AGGF1: variants seen among roughly 807,000 people sequenced by gnomAD.
The protein encoded by AGGF1 is angiogenic factor with G-patch and FHA domains 1.
In AGGF1, 56 loss-of-function variants were observed where a neutral mutation model predicts 86.5. The ratio of observed to expected loss-of-function variants is 0.65; its 90% CI spans 0.52 to 0.81. The LOEUF is 0.81. Ranked by LOEUF, AGGF1 falls within the 30% of genes least tolerant of loss-of-function variation. AGGF1 has a pLI of 0.00. For missense variants in AGGF1, 816 were observed against 850.9 expected (o/e 0.96, Z 0.51); for synonymous variants, 313 against 297.1 (o/e 1.05, Z -0.55).
chr5:77,064,080 C>T lies in AGGF1; in HGVS notation c.*828C>T, dbSNP rs1258798201. On this transcript the variant is annotated 3_prime_UTR_variant, in exon 14 of 14. Coordinates refer to ENST00000312916, the MANE Select transcript of AGGF1 (RefSeq NM_018046.5). ...AAAACATCCTCAATTGCAATAAAAACATTATAACATGAAAAAGAGTGATTT... is the reference window on the plus strand; with the variant it reads ...AAAACATCCTCAATTGCAATAAAAATATTATAACATGAAAAAGAGTGATTT... 1 of 152,550 alleles carries T rather than the reference C, an allele frequency of 6.6e-6. No individual in the cohort carries two copies. Among genetic ancestry groups the T allele is most frequent in the Non-Finnish European group, 1.5e-5 (1 of 68,018 alleles). The allele number at this position is 152,550 out of a possible 1,614,324, so 9.4% of individuals were successfully genotyped here.
chr5:77,035,395 A>G (rs1033470595), intron 2 of AGGF1, 146 bp from the exon 3 acceptor site: 11 of 658,084 alleles, frequency 1.7e-5, no homozygotes, highest in Admixed American at 5.6e-5. Context: ...ATCTGTTTTA[A>G]TCTTTTAAAA....
At chr5:77,036,245 A>G (rs1293944709) in intron 3 of AGGF1, among the ~76,000 whole-genome samples, 1 of 152,196 alleles carries the variant, frequency 6.6e-6, no homozygotes, top group Non-Finnish European at 1.5e-5. Context: ...ATCATTGAAG[A>G]ACCTAGATCT....
rs534849137 is a variant in AGGF1, at chr5:77,030,551, G to A, written c.-216G>A. On this transcript the variant is annotated 5_prime_UTR_variant, in exon 1 of 14. Transcript: ENST00000312916. ...TTCCGGTTTGCAGGCCGCGCACATC[G>A]GGCAGGGGCCATCCTCGGTCCCCTT... 48 of 701,106 alleles carry A rather than the reference G, an allele frequency of 6.8e-5. No individual in the cohort carries two copies. In the East Asian group the frequency reaches 1.2e-3, roughly 18 times the overall value. The allele number at this position is 701,106 out of a possible 1,614,324, so 43.4% of individuals were successfully genotyped here. A position where few individuals can be genotyped will look rare whatever the true frequency, so the allele number is the denominator to read the frequency against.
intron 4 of AGGF1, 86 bp downstream of exon 4, chr5:77,036,806 C>G: frequency 7.0e-7 from 1 of 1,429,774 alleles, no homozygotes. Flanking sequence ...GGAGTGATCT[C>G]AGCTCACTGC....
At chr5:77,033,587 G>C (rs758504262) in intron 1 of AGGF1, among the ~76,000 whole-genome samples, 1 of 152,300 alleles carries the variant, frequency 6.6e-6, no homozygotes. Context: ...GATTTTTCAC[G>C]ATCAGTGTCT....
rs1400419148 is a variant in AGGF1 at position 77,055,661 on chromosome 5, T to C, written c.1716+65T>C. 3 of 1,118,202 alleles carry C rather than the reference T, an allele frequency of 2.7e-6. No homozygotes were observed. The African/African-American group carries it at 4.7e-5, about 17-fold the overall frequency. The allele number at this position is 1,118,202 out of a possible 1,614,324, so 69.3% of individuals were successfully genotyped here. A position where few individuals can be genotyped will look rare whatever the true frequency, so the allele number is the denominator to read the frequency against. On this transcript the variant is annotated intron_variant, in intron 11 of 13. Coordinates refer to ENST00000312916, the MANE Select transcript of AGGF1 (RefSeq NM_018046.5). ...ATCTGGTTTTGAGTAAAAATGTCTT[T>C]AAATATGCTCAGTACATTTTATATA...
chr5:77,037,456 C>A (rs1746987398), intron 4 of AGGF1, among the ~76,000 whole-genome samples: 1 of 152,130 alleles, frequency 6.6e-6, no homozygotes, highest in Non-Finnish European at 1.5e-5. Flanking sequence ...TGTTTTATAT[C>A]CTGTGCCTTT....
At chr5:77,043,401 C>A (rs1403610697) in intron 5 of AGGF1, among the ~76,000 whole-genome samples, 12 of 58,936 alleles carry the variant, frequency 2.0e-4, no homozygotes, top group African/African-American at 7.3e-4. Context: ...GCTGGCCGGG[C>A]AGAGGGGCTC....
At position 77,030,904 on chromosome 5, in the gene AGGF1, C is replaced by G. The variant is rs771920394; in HGVS notation, c.138C>G (p.Ile46Met). The change falls in exon 1 of 14, where the codon ATC (isoleucine) becomes ATG (methionine). Residue 46 changes from isoleucine (I) to methionine (M), a missense_variant. By Grantham distance (10) the Ile-to-Met change is conservative. This residue lies in a region of AGGF1 where 240 missense variants were observed against 234.4 expected (regional missense o/e 1.02). Coordinates refer to ENST00000312916, the MANE Select transcript of AGGF1 (RefSeq NM_018046.5). Reference protein sequence around the residue: ...LRSCKRQVREIEKLLHHTERL... With the variant: ...LRSCKRQVREMEKLLHHTERL... ...GCTGCAAGCGGCAGGTGCGGGAGAT[C>G]GAGAAGCTGCTGCATCACACAGAAC... 3.1e-6 allele frequency: 5 copies of G among 1,613,208 alleles called. No homozygotes were observed. The highest frequency in any genetic ancestry group is 4.2e-6 in the Non-Finnish European group (5 of 1,179,998).
intron 7 of AGGF1, 86 bp downstream of exon 7, chr5:77,048,358 T>G: frequency 2.5e-6 from 3 of 1,202,652 alleles, no homozygotes; most frequent in East Asian, 4.8e-5. Flanking sequence ...TGTTTGTTTG[T>G]TTTTTGTTTT....
intron 1 of AGGF1, among the ~76,000 whole-genome samples, chr5:77,032,386 T>C (rs969980737): frequency 3.3e-5 from 5 of 150,386 alleles, no homozygotes; most frequent in African/African-American, 9.8e-5. Flanking sequence ...GCTAACACAG[T>C]AAAACCCTGT....
At chr5:77,057,574 A>G (rs753404898) in intron 11 of AGGF1, among the ~76,000 whole-genome samples, 21 of 152,154 alleles carry the variant, frequency 1.4e-4, no homozygotes, top group Non-Finnish European at 2.9e-5. Flanking sequence ...GACGGAACAC[A>G]CTCTCATACA....
rs372715589 is a variant in AGGF1 at position 77,031,416 on chromosome 5, A to C, written c.210+440A>C. Among the ~76,000 whole-genome samples, 7 of 152,314 alleles carry C rather than the reference A, an allele frequency of 4.6e-5. No homozygotes were observed. In the South Asian group the frequency reaches 1.4e-3, roughly 32 times the overall value. ...GCTCACAGTAGTAAAGGTGAAGTAA[A>C]ACAAACAATTTTACAAACTTTTGAA... On this transcript the variant is annotated intron_variant, in intron 1 of 13. Transcript: ENST00000312916.
rs1344817326 is a variant in AGGF1 at position 77,064,525 on chromosome 5, G to C, written c.*1273G>C. On this transcript the variant is annotated 3_prime_UTR_variant, in exon 14 of 14. Coordinates refer to ENST00000312916, the MANE Select transcript of AGGF1 (RefSeq NM_018046.5). ...ACGGAGAAAAGGGGATGGAGAAGGA[G>C]AAACTATGACTAAAGATGAGAGGTA... 2.6e-5 allele frequency: 4 copies of C among 152,228 alleles called. No homozygotes were observed. Among genetic ancestry groups the C allele is most frequent in the African/African-American group, 9.6e-5 (4 of 41,464 alleles). The allele number at this position is 152,228 out of a possible 1,614,324, so 9.4% of individuals were successfully genotyped here.
intron 3 of AGGF1, chr5:77,035,949 A>C: frequency 1.9e-6 from 1 of 533,338 alleles, no homozygotes; most frequent in Non-Finnish European, 3.3e-6. Flanking sequence ...TTCCTACTAC[A>C]TTGTGTTCCA....
chr5:77,042,455 C>T (rs1418440116), intron 5 of AGGF1, among the ~76,000 whole-genome samples: 1 of 107,516 alleles, frequency 9.3e-6, no homozygotes, highest in Non-Finnish European at 2.2e-5. Flanking sequence ...CCCCCCCCAC[C>T]TCCCTCCCGG....
chr5:77,060,376 C>G (rs1345479618), intron 12 of AGGF1, among the ~76,000 whole-genome samples: 1 of 152,096 alleles, frequency 6.6e-6, no homozygotes, highest in Non-Finnish European at 1.5e-5. Flanking sequence ...TTGGTATGGA[C>G]TGGTATTTTT....
chr5:77,051,822 G>A (rs1277863076), intron 8 of AGGF1, among the ~76,000 whole-genome samples: 1 of 152,194 alleles, frequency 6.6e-6, no homozygotes, highest in African/African-American at 2.4e-5. Context: ...AGAAGGATGG[G>A]TGGATAGATT....
Position 77,054,005 on chromosome 5 carries a change from A to G in AGGF1, c.1508A>G (p.Asp503Gly). The change falls in exon 10 of 14, where the codon GAT becomes GGT. Residue 503 changes from aspartate (D) to glycine (G), a missense_variant. Physicochemically the swap from Asp to Gly is moderately conservative, Grantham distance 94 (BLOSUM62 -1). Transcript: ENST00000312916. The part of the protein sequence containing the change: ...KCDPYVLEHG[D>G]EVKIGETVLS... ...GACCCTTACGTACTTGAGCATGGAG[A>G]TGAAGTCAAAATTGGAGAAACTGTC... is the stretch of plus-strand genomic sequence containing the variant. The G allele has an allele frequency of 6.2e-7, 1 of 1,614,194 alleles. No homozygotes were observed. Among genetic ancestry groups the G allele is most frequent in the Non-Finnish European group, 8.5e-7 (1 of 1,180,030 alleles).
Sources: gnomAD v4.1 joint callset for allele counts (sites outside exome capture counted in the v4.1 genomes callset) on GRCh38, gnomAD v4.1.1 for gene constraint, gnomAD v4.1.1 regional missense constraint, MANE v1.5 for transcripts, NCBI Gene and HGNC (gene_info 2026-07-23, HGNC 2026-07-21) for gene names.